The following TMLHE variants were observed in gnomAD, a reference collection of about 807,000 sequenced individuals.
The protein encoded by TMLHE is trimethyllysine hydroxylase, epsilon.
Under a neutral mutation model 25.7 loss-of-function variants are expected in TMLHE, and 18 were observed. The ratio of observed to expected loss-of-function variants is 0.70; its 90% confidence interval spans 0.48 to 1.04. The LOEUF (loss-of-function observed/expected upper bound fraction) is 1.04, where lower values mean the gene tolerates loss of function less well. TMLHE is among the 50% of genes least tolerant of loss of function. The pLI is 0.00. For missense variants in TMLHE, 236 were observed against 259.0 expected, an observed-to-expected ratio of 0.91 and a Z score of 0.61; for synonymous variants, 105 against 97.0, an observed-to-expected ratio of 1.08 and a Z score of -0.49.
chrX:155,574,549 C>G (rs1204485271), intron 1 of TMLHE, among the ~76,000 whole-genome samples: 1 of 112,079 alleles, frequency 8.9e-6, no homozygotes. Context: ...TCCAGTTTTC[C>G]TTAAAAAATA....
intron 1 of TMLHE, among the ~76,000 whole-genome samples, chrX:155,600,819 A>T (rs1362725161): frequency 3.6e-5 from 4 of 112,071 alleles, no homozygotes; most frequent in East Asian, 5.6e-4. Flanking sequence ...AAACTGCGTG[A>T]ATCTGGAATG....
At chrX:155,547,301 C>G (rs1444706914) in intron 1 of TMLHE, among the ~76,000 whole-genome samples, 1 of 96,999 alleles carries the variant, frequency 1.0e-5, no homozygotes, top group African/African-American at 3.6e-5. Context: ...CCTGCCACCA[C>G]GCCCGGCTAA....
At chrX:155,580,733 C>G (rs1468031500) in intron 1 of TMLHE, among the ~76,000 whole-genome samples, 1 of 111,460 alleles carries the variant, frequency 9.0e-6, no homozygotes, top group Non-Finnish European at 1.9e-5. Context: ...GGAAACTACT[C>G]TTTATAAAAC....
At chrX:155,507,669 G>A (rs1487933526) in intron 5 of TMLHE, among the ~76,000 whole-genome samples, 1 of 110,056 alleles carries the variant, frequency 9.1e-6, no homozygotes, top group Admixed American at 9.9e-5. Flanking sequence ...TAGGCGGAGA[G>A]AAAGCATGAC....
chrX:155,569,240 A>T (rs1278656449), intron 1 of TMLHE, among the ~76,000 whole-genome samples: 1 of 54,805 alleles, frequency 1.8e-5, no homozygotes, highest in Admixed American at 2.1e-4. Flanking sequence ...TATCAGTGAT[A>T]GAAGATGAAA....
rs1216971936 is a variant in TMLHE, at chrX:155,548,529, T to TTC, written c.-1-3253_-1-3252insGA. On this transcript the variant is annotated intron_variant, in intron 1 of 7. Transcript: ENST00000334398. The stretch of plus-strand genomic sequence containing the variant: ...GGCGGGCGGATCACAAGGTCAGCAG[T>TTC]ATGAGGCCAGCCTGACTAACATGGT... Among the ~76,000 whole-genome samples the TTC allele has an allele frequency of 8.4e-5, 9 of 107,596 alleles. 1 individual carries two copies. The highest frequency in any genetic ancestry group is 1.4e-4 in the African/African-American group (4 of 27,908). 93.4% of individuals were successfully genotyped at this position (107,596 alleles called of 115,157 possible).
chrX:155,575,622 C>T (rs1278539357), intron 1 of TMLHE, among the ~76,000 whole-genome samples: 2 of 111,534 alleles, frequency 1.8e-5, no homozygotes, highest in Non-Finnish European at 3.8e-5. Flanking sequence ...ATGAGCAAAC[C>T]AAATCCAGCA....
At position 155,593,204 on chromosome X, in the gene TMLHE, C is replaced by T. The variant is rs1259480383; in HGVS notation, c.-2+19588G>A. ...GGTGGTAATGCCCAGCCAAGGAATACACCCTGTGATCCAGCCTGATCAGAG... is the reference window on the plus strand; with the variant it reads ...GGTGGTAATGCCCAGCCAAGGAATATACCCTGTGATCCAGCCTGATCAGAG... On this transcript the variant is annotated intron_variant, in intron 1 of 7. Coordinates refer to ENST00000334398, the MANE Select transcript of TMLHE (RefSeq NM_018196.4). Among the ~76,000 whole-genome samples the T allele has an allele frequency of 2.7e-5, 3 of 112,033 alleles. 1 individual carries two copies. Among genetic ancestry groups the T allele is most frequent in the Non-Finnish European group, 5.6e-5 (3 of 53,185 alleles).
At chrX:155,560,197 T>C (rs73247702) in intron 1 of TMLHE, among the ~76,000 whole-genome samples, 1 of 111,977 alleles carries the variant, frequency 8.9e-6, no homozygotes, top group Non-Finnish European at 1.9e-5. Context: ...CTGCCTTCTC[T>C]GCTTACCATG....
intron 1 of TMLHE, among the ~76,000 whole-genome samples, chrX:155,582,161 A>T (rs1415641447): frequency 8.9e-6 from 1 of 112,388 alleles, no homozygotes; most frequent in African/African-American, 3.2e-5. Flanking sequence ...TACACCTTAT[A>T]CAAAAATTAA....
intron 1 of TMLHE, among the ~76,000 whole-genome samples, chrX:155,596,966 G>A (rs782510751): frequency 2.6e-4 from 28 of 107,816 alleles, no homozygotes; most frequent in East Asian, 2.1e-3. Context: ...CCATGTTGGC[G>A]TGCTGCACCC....
At chrX:155,510,096 A>T (rs376124147) in intron 5 of TMLHE, among the ~76,000 whole-genome samples, 5 of 111,420 alleles carry the variant, frequency 4.5e-5, no homozygotes, top group African/African-American at 9.8e-5. Flanking sequence ...AATGCAAGAA[A>T]TCTGTACAAA....
rs1309570913 is a variant in TMLHE, at chrX:155,571,540, ATT to A, written c.-1-26265_-1-26264del. On this transcript the variant is annotated intron_variant, in intron 1 of 7. Coordinates refer to ENST00000334398, the MANE Select transcript of TMLHE (RefSeq NM_018196.4). ...GGCAGAGACACAACCAAAAAAGAGA[ATT>A]TTAGACCAATATCCTTGATGAACAT... Among the ~76,000 whole-genome samples the A allele has an allele frequency of 1.8e-4, 9 of 49,754 alleles. 2 individuals are homozygous for A. Among genetic ancestry groups the A allele is most frequent in the African/African-American group, 4.3e-4 (9 of 20,702 alleles). 43.2% of individuals were successfully genotyped at this position (49,754 alleles called of 115,157 possible).
At chrX:155,532,233 C>G (rs1557337122) in intron 2 of TMLHE, among the ~76,000 whole-genome samples, 1 of 111,845 alleles carries the variant, frequency 8.9e-6, no homozygotes, top group Non-Finnish European at 1.9e-5. Flanking sequence ...AGAAGGGTTA[C>G]CTACACACAG....
At chrX:155,515,269 T>A (rs1250858584) in intron 3 of TMLHE, among the ~76,000 whole-genome samples, 3 of 110,680 alleles carry the variant, frequency 2.7e-5, no homozygotes, top group African/African-American at 9.8e-5. Flanking sequence ...TCACTTAACA[T>A]TTTAACAATT....
intron 4 of TMLHE, among the ~76,000 whole-genome samples, chrX:155,512,304 C>T (rs1357541923): frequency 2.4e-4 from 25 of 105,329 alleles, no homozygotes; most frequent in Admixed American, 1.6e-3. Flanking sequence ...TCTCCCAATG[C>T]TATCCCTCCC....
At chrX:155,602,170 A>G (rs2067759690) in intron 1 of TMLHE, among the ~76,000 whole-genome samples, 1 of 111,658 alleles carries the variant, frequency 9.0e-6, no homozygotes, top group Non-Finnish European at 1.9e-5. Flanking sequence ...ATCCACCAGT[A>G]TTTCAAAAAG....
intron 1 of TMLHE, among the ~76,000 whole-genome samples, chrX:155,603,373 A>AAT (rs1569562285): frequency 1.4e-4 from 4 of 29,105 alleles, no homozygotes; most frequent in Non-Finnish European, 3.5e-4. Context: ...AAAGAATGAA[A>AAT]GAAAGAAAGA....
Position 155,572,602 on chromosome X carries a change from TA to T in TMLHE, c.-1-27326del, listed in dbSNP as rs1321473431. Reference sequence around the variant, plus strand: ...TTCAAACTATACCGCAAGGCTACAGTAACCAAAACAGCATGGTACTGGTACC... The same window carrying T: ...TTCAAACTATACCGCAAGGCTACAGTACCAAAACAGCATGGTACTGGTACC... On this transcript the variant is annotated intron_variant, in intron 1 of 7. Transcript: ENST00000334398. Among the ~76,000 whole-genome samples the T allele has an allele frequency of 8.7e-5, 5 of 57,154 alleles. 2 individuals carry two copies. Among genetic ancestry groups the T allele is most frequent in the South Asian group, 2.0e-3 (2 of 1,005 alleles). The allele number at this position is 57,154 out of a possible 115,157, so 49.6% of individuals were successfully genotyped here.
Sources: gnomAD v4.1 joint callset for allele counts (sites outside exome capture counted in the v4.1 genomes callset) on GRCh38, gnomAD v4.1.1 for gene constraint, MANE v1.5 for transcripts, NCBI Gene and HGNC (gene_info 2026-07-23, HGNC 2026-07-21) for gene names.